The following ZNF365 variants were observed in gnomAD, a reference collection of about 807,000 sequenced individuals.
The protein encoded by ZNF365 is zinc finger protein 365, also known as protein ZNF365.
Under a neutral mutation model 35.0 loss-of-function variants are expected in ZNF365, and 22 were observed. The ratio of observed to expected loss-of-function variants is 0.63; its 90% CI spans 0.45 to 0.90. The LOEUF (loss-of-function observed/expected upper bound fraction) is 0.90, where lower values mean the gene tolerates loss of function less well. Ranked by LOEUF, ZNF365 falls within the 40% of genes least tolerant of loss-of-function variation. ZNF365 has a pLI of 0.00. For missense variants in ZNF365, 448 were observed against 500.3 expected (o/e 0.90, Z 1.00); for synonymous variants, 188 against 196.2 (o/e 0.96, Z 0.35).
chr10:62,432,795 T>C (rs78568099), intron 3 of ZNF365, among the ~76,000 whole-genome samples: 4 of 152,170 alleles, frequency 2.6e-5, no homozygotes, highest in African/African-American at 9.7e-5. Context: ...CCCTAAAAGA[T>C]TTCCAAATAT....
intron 3 of ZNF365, among the ~76,000 whole-genome samples, chr10:62,421,678 T>G (rs532209957): frequency 1.3e-5 from 2 of 152,346 alleles, no homozygotes; most frequent in African/African-American, 4.8e-5. Flanking sequence ...GATTTCTTTC[T>G]CCAAATAGTA....
At chr10:62,442,142 T>G (rs1840511725) in intron 3 of ZNF365, among the ~76,000 whole-genome samples, 1 of 152,190 alleles carries the variant, frequency 6.6e-6, no homozygotes, top group Non-Finnish European at 1.5e-5. Flanking sequence ...GAGCCTTATA[T>G]GGAAACAGAG....
At chr10:62,456,405 G>A (rs1328957565) in intron 3 of ZNF365, among the ~76,000 whole-genome samples, 1 of 152,062 alleles carries the variant, frequency 6.6e-6, no homozygotes, top group Non-Finnish European at 1.5e-5. Flanking sequence ...CGTGTAAGAT[G>A]AGAAATTATT....
intron 3 of ZNF365, among the ~76,000 whole-genome samples, chr10:62,393,469 T>C (rs1274659750): frequency 6.6e-6 from 1 of 152,228 alleles, no homozygotes; most frequent in East Asian, 1.9e-4. Flanking sequence ...CACTTGGTGA[T>C]AGGAACTTTT....
chr10:62,471,980 C>A (rs7072167), intron 4 of ZNF365, among the ~76,000 whole-genome samples: 6 of 152,138 alleles, frequency 3.9e-5, no homozygotes, highest in South Asian at 2.1e-4. Context: ...TGGAAATTGC[C>A]TGTAAGTGTT....
At chr10:62,435,232 G>C (rs773253408) in intron 3 of ZNF365, among the ~76,000 whole-genome samples, 1 of 152,132 alleles carries the variant, frequency 6.6e-6, no homozygotes, top group Non-Finnish European at 1.5e-5. Flanking sequence ...TCTCTGCATT[G>C]GTGGGTGAAA....
At chr10:62,389,373 C>T (rs1029566880) in intron 3 of ZNF365, among the ~76,000 whole-genome samples, 2 of 152,072 alleles carry the variant, frequency 1.3e-5, no homozygotes, top group Middle Eastern at 3.4e-3. Flanking sequence ...TTATTTATAA[C>T]ATTTTCATTA....
At position 62,376,342 on chromosome 10, in the gene ZNF365, G is replaced by T; in HGVS notation, c.149G>T (p.Ser50Ile). Residue 50 changes from serine (S) to isoleucine (I), a missense_variant, in exon 2 of 5, where the codon AGT becomes ATT. Around this residue, in one of 3 missense-constraint regions of ZNF365, gnomAD observed 76 missense variants for 96.7 expected, o/e 0.79. Transcript: ENST00000395254. ...TCCTTGAGGGCCCATCTGGAGTTCA[G>T]TCACAGCTACGAAGAAAGAACCCTC... ...LSSLRAHLEF[S>I]HSYEERTLLT... The T allele has an allele frequency of 6.2e-7, 1 of 1,614,168 alleles. No homozygotes were observed. Among genetic ancestry groups the T allele is most frequent in the South Asian group, 1.1e-5 (1 of 91,086 alleles).
At chr10:62,450,075 C>A (rs144272647) in intron 3 of ZNF365, among the ~76,000 whole-genome samples, 381 of 152,032 alleles carry the variant, frequency 2.5e-3, no homozygotes, top group African/African-American at 9.0e-3. Context: ...AGCTCAAGAC[C>A]AGCCTGGGCA....
At chr10:62,466,243 C>T (rs936275813) in intron 4 of ZNF365, among the ~76,000 whole-genome samples, 8 of 152,218 alleles carry the variant, frequency 5.3e-5, no homozygotes, top group Non-Finnish European at 1.2e-4. Flanking sequence ...CTTTCAGGTG[C>T]CACTGCATTC....
intron 4 of ZNF365, among the ~76,000 whole-genome samples, chr10:62,465,954 C>T (rs1840936199): frequency 6.6e-6 from 1 of 152,136 alleles, no homozygotes; most frequent in Admixed American, 6.5e-5. Flanking sequence ...TTCACTTGCA[C>T]CCAGAAGCCA....
chr10:62,384,166 C>A (rs974381424), intron 2 of ZNF365, among the ~76,000 whole-genome samples: 1 of 150,636 alleles, frequency 6.6e-6, no homozygotes, highest in African/African-American at 2.4e-5. Context: ...TGGCTTAGAA[C>A]CAGTTAAATT....
intron 3 of ZNF365, among the ~76,000 whole-genome samples, chr10:62,447,653 G>A (rs1840612668): frequency 6.6e-6 from 1 of 152,192 alleles, no homozygotes; most frequent in Admixed American, 6.5e-5. Flanking sequence ...CACATGCGGT[G>A]GCTGCCTACC....
At chr10:62,440,945 A>G (rs1840490338) in intron 3 of ZNF365, among the ~76,000 whole-genome samples, 1 of 152,180 alleles carries the variant, frequency 6.6e-6, no homozygotes, top group Non-Finnish European at 1.5e-5. Context: ...GATGAGGCAA[A>G]TATTTCCCTC....
Position 62,461,105 on chromosome 10 carries a change from C to T in ZNF365, c.981+1308C>T, listed in dbSNP as rs780986941. Among the ~76,000 whole-genome samples the T allele has an allele frequency of 2.0e-5, 3 of 152,226 alleles. No homozygotes were observed. The East Asian group carries it at 5.8e-4, about 29-fold the overall frequency. On this transcript the variant is annotated intron_variant, in intron 4 of 4. Coordinates refer to the ZNF365 transcript ENST00000395255. Reference sequence around the variant, plus strand: ...AGAGAGACCCAAGCTTCCTCTCAAACGCACAATCATATTTCCATAACTAAC... The same window carrying T: ...AGAGAGACCCAAGCTTCCTCTCAAATGCACAATCATATTTCCATAACTAAC...
At chr10:62,428,889 G>A (rs1393871226) in intron 3 of ZNF365, among the ~76,000 whole-genome samples, 1 of 152,214 alleles carries the variant, frequency 6.6e-6, no homozygotes, top group Non-Finnish European at 1.5e-5. Context: ...TGGGGGTGAT[G>A]TAGACTGATT....
chr10:62,424,759 A>C (rs1226633387), intron 3 of ZNF365, among the ~76,000 whole-genome samples: 1 of 152,248 alleles, frequency 6.6e-6, no homozygotes, highest in Non-Finnish European at 1.5e-5. Flanking sequence ...CATGGCCTAC[A>C]GTGCCCCAGT....
chr10:62,437,849 A>G (rs1260929464), intron 3 of ZNF365, among the ~76,000 whole-genome samples: 2 of 152,202 alleles, frequency 1.3e-5, no homozygotes, highest in Non-Finnish European at 2.9e-5. Flanking sequence ...AAGTAAGACA[A>G]ACCACAGGCT....
chr10:62,376,424 A>C lies in ZNF365; in HGVS notation c.231A>C (p.Ser77=). The C allele has an allele frequency of 1.9e-6, 3 of 1,614,212 alleles. No individual in the cohort carries two copies. Among genetic ancestry groups the C allele is most frequent in the South Asian group, 1.1e-5 (1 of 91,088 alleles). Reference sequence around the variant, plus strand: ...AAGACACAGACCTAGTCACTTCCTCAGAACTCCTGAAACCGGGAAAATTGC... The same window carrying C: ...AAGACACAGACCTAGTCACTTCCTCCGAACTCCTGAAACCGGGAAAATTGC... ...SLKDTDLVTS[S]ELLKPGKLQS... The change falls in exon 2 of 5, where the codon TCA becomes TCC. Residue 77 remains serine, a synonymous_variant. Transcript: ENST00000395254.
Sources: allele counts gnomAD v4.1 joint callset (sites outside exome capture counted in the v4.1 genomes callset), GRCh38; gene constraint gnomAD v4.1.1; regional missense constraint gnomAD v4.1.1; transcripts MANE v1.5; gene names NCBI Gene and HGNC (gene_info 2026-07-23, HGNC 2026-07-21).